Variants in CKMT2 observed in about 807,000 individuals in gnomAD.
The protein encoded by CKMT2 is creatine kinase S-type, mitochondrial.
Under a neutral mutation model 48.9 loss-of-function variants are expected in CKMT2, and 43 were observed. The observed-to-expected ratio is 0.88, with a 90% CI of 0.69 to 1.13. The LOEUF (loss-of-function observed/expected upper bound fraction) is 1.13, where lower values mean the gene tolerates loss of function less well. CKMT2 is among the 50% of genes most tolerant of loss of function. CKMT2 has a pLI of 0.00. For synonymous variants in CKMT2, 206 were observed against 213.0 expected, an observed-to-expected ratio of 0.97 and a Z score of 0.29; for missense variants, 472 against 555.4, an observed-to-expected ratio of 0.85 and a Z score of 1.51.
intron 1 of CKMT2, among the ~76,000 whole-genome samples, chr5:81,247,540 C>T (rs1756653354): frequency 6.6e-6 from 1 of 152,118 alleles, no homozygotes; most frequent in Admixed American, 6.5e-5. Flanking sequence ...GACTGCGCAG[C>T]GTTTTAAAGA....
chr5:81,253,417 A>T (rs1356378032), intron 3 of CKMT2, among the ~76,000 whole-genome samples: 1 of 152,150 alleles, frequency 6.6e-6, no homozygotes, highest in African/African-American at 2.4e-5. Flanking sequence ...AAATCCCATG[A>T]CCTCGGCATC....
At chr5:81,264,236 G>GATC (rs1757322748) in intron 9 of CKMT2, among the ~76,000 whole-genome samples, 1 of 152,196 alleles carries the variant, frequency 6.6e-6, no homozygotes, top group African/African-American at 2.4e-5. Context: ...GAGGCAAAAA[G>GATC]ATCACATGTA....
intron 1 of CKMT2, chr5:81,239,316 G>A (rs1756355527): frequency 6.6e-6 from 1 of 152,286 alleles, no homozygotes; most frequent in African/African-American, 2.4e-5. Flanking sequence ...ATTTGTATTA[G>A]TGACAGTGGC....
At chr5:81,262,879 T>C (rs1335748080) in intron 8 of CKMT2, among the ~76,000 whole-genome samples, 1 of 152,190 alleles carries the variant, frequency 6.6e-6, no homozygotes, top group Non-Finnish European at 1.5e-5. Flanking sequence ...TGCACACGTG[T>C]GTTTATTGAG....
intron 6 of CKMT2, 119 bp from the exon 7 acceptor site, chr5:81,257,614 G>T: frequency 1.2e-6 from 1 of 800,096 alleles, no homozygotes; most frequent in Non-Finnish European, 1.9e-6. Context: ...TAAGAGATTA[G>T]GGCCATCTAG....
At chr5:81,253,749 A>G (rs1756901481) in intron 3 of CKMT2, among the ~76,000 whole-genome samples, 1 of 152,188 alleles carries the variant, frequency 6.6e-6, no homozygotes, top group Non-Finnish European at 1.5e-5. Context: ...CACAGCTCCC[A>G]AAGTCTGCAG....
At chr5:81,243,452 C>T (rs922479386) in intron 1 of CKMT2, among the ~76,000 whole-genome samples, 6 of 152,076 alleles carry the variant, frequency 3.9e-5, no homozygotes, top group African/African-American at 1.4e-4. Context: ...AGATTTGTTG[C>T]ATTAGCACAA....
Position 81,263,636 on chromosome 5 carries a change from C to T in CKMT2, c.1140+20C>T. 1 of 1,589,688 alleles carries T rather than the reference C, an allele frequency of 6.3e-7. No individual in the cohort carries two copies. Among genetic ancestry groups the T allele is most frequent in the East Asian group, 2.3e-5 (1 of 43,626 alleles). On this transcript the variant is annotated intron_variant, in intron 9 of 9. Transcript: ENST00000254035. Reference sequence around the variant, plus strand: ...TCAGAGGTAACGTCTCTCTCACTTTCCTAACATGAACTAACAAAATCAGCC... The same window carrying T: ...TCAGAGGTAACGTCTCTCTCACTTTTCTAACATGAACTAACAAAATCAGCC...
intron 1 of CKMT2, among the ~76,000 whole-genome samples, chr5:81,236,506 G>T (rs1756247380): frequency 2.0e-5 from 3 of 152,180 alleles, no homozygotes; most frequent in Admixed American, 2.0e-4. Flanking sequence ...TAGACTGATT[G>T]TGTTTGTAAG....
At chr5:81,253,335 CT>C (rs1756886676) in intron 3 of CKMT2, among the ~76,000 whole-genome samples, 1 of 152,190 alleles carries the variant, frequency 6.6e-6, no homozygotes. Context: ...ATTATTATTA[CT>C]GATTTCTCTC....
At chr5:81,243,275 C>T (rs533002746) in intron 1 of CKMT2, among the ~76,000 whole-genome samples, 2 of 152,216 alleles carry the variant, frequency 1.3e-5, no homozygotes, top group East Asian at 3.9e-4. Flanking sequence ...GAGTACACTG[C>T]GAACTGAGAG....
intron 1 of CKMT2, chr5:81,250,677 G>A (rs1204861649): frequency 6.6e-6 from 1 of 152,608 alleles, no homozygotes; most frequent in Non-Finnish European, 1.5e-5. Flanking sequence ...TAGAGTGGGA[G>A]GGTGGTCCTC....
intron 1 of CKMT2, among the ~76,000 whole-genome samples, chr5:81,235,046 C>T (rs1756208202): frequency 6.6e-6 from 1 of 152,124 alleles, no homozygotes; most frequent in African/African-American, 2.4e-5. Flanking sequence ...GAAGGCAGCC[C>T]ACTTCACAGC....
chr5:81,242,073 C>T (rs976132303), intron 1 of CKMT2, among the ~76,000 whole-genome samples: 12 of 152,176 alleles, frequency 7.9e-5, no homozygotes, highest in Admixed American at 2.6e-4. Context: ...ACATCTCTGA[C>T]GATGGGCACG....
intron 7 of CKMT2, among the ~76,000 whole-genome samples, chr5:81,258,119 C>T (rs555240071): frequency 2.4e-4 from 36 of 152,240 alleles, no homozygotes; most frequent in African/African-American, 8.7e-4. Context: ...AGACTAGCCT[C>T]GAACTCCTGA....
At chr5:81,262,752 T>C (rs1757267150) in intron 8 of CKMT2, among the ~76,000 whole-genome samples, 1 of 152,188 alleles carries the variant, frequency 6.6e-6, no homozygotes, top group South Asian at 2.1e-4. Context: ...AGTTCAACCA[T>C]TATGGAAGAC....
intron 1 of CKMT2, chr5:81,239,053 C>G (rs1756347208): frequency 6.6e-6 from 1 of 152,238 alleles, no homozygotes; most frequent in African/African-American, 2.4e-5. Flanking sequence ...AAAGAGCTTC[C>G]AGGCTTAGCT....
In CKMT2 at chr5:81,266,275, T is replaced by C; in HGVS notation, c.*17T>C. 3.7e-6 allele frequency: 6 copies of C among 1,611,456 alleles called. No individual in the cohort carries two copies. Among genetic ancestry groups the C allele is most frequent in the African/African-American group, 1.3e-5 (1 of 74,984 alleles). On this transcript the variant is annotated 3_prime_UTR_variant, in exon 10 of 10. Coordinates refer to ENST00000254035, the MANE Select transcript of CKMT2 (RefSeq NM_001099735.2). ...AAAAAGTAAACTTTCCCTTTCCCAA[T>C]TTATAAATAATCTGTCTGCTGGTAC...
chr5:81,247,404 T>A (rs1005927634), intron 1 of CKMT2, among the ~76,000 whole-genome samples: 1 of 152,190 alleles, frequency 6.6e-6, no homozygotes, highest in Non-Finnish European at 1.5e-5. Flanking sequence ...TTATGCCACA[T>A]GTTATCATGT....
Sources: allele counts gnomAD v4.1 joint callset (sites outside exome capture counted in the v4.1 genomes callset), GRCh38; gene constraint gnomAD v4.1.1; transcripts MANE v1.5; gene names NCBI Gene and HGNC (gene_info 2026-07-23, HGNC 2026-07-21).